The following PDE10A variants were observed in gnomAD, a reference collection of about 807,000 sequenced individuals.
PDE10A encodes the protein cAMP and cAMP-inhibited cGMP 3',5'-cyclic phosphodiesterase 10A.
In PDE10A, 39 loss-of-function variants were observed where a neutral mutation model predicts 97.7. The ratio of observed to expected loss-of-function variants is 0.40; its 90% CI spans 0.31 to 0.52. The LOEUF (loss-of-function observed/expected upper bound fraction) is 0.52, where lower values mean the gene tolerates loss of function less well. Ranked by LOEUF, PDE10A falls within the 20% of genes least tolerant of loss-of-function variation. The pLI is 0.56. For synonymous variants in PDE10A, 371 were observed against 376.8 expected (o/e 0.98, Z 0.18); for missense variants, 731 against 1,047.8 (o/e 0.70, Z 4.17).
At chr6:165,438,956 TAAA>T (rs10711465) in intron 5 of PDE10A, among the ~76,000 whole-genome samples, 12 of 132,760 alleles carry the variant, frequency 9.0e-5, no homozygotes, top group Middle Eastern at 3.5e-3. Flanking sequence ...AGACCCTGCT[TAAA>T]AAAAAAAAAA....
chr6:165,818,182 C>A (rs187952232), intron 1 of PDE10A, among the ~76,000 whole-genome samples: 1 of 152,154 alleles, frequency 6.6e-6, no homozygotes, highest in Admixed American at 6.5e-5. Context: ...CTCACTGTCA[C>A]ACGCACCCAT....
At chr6:165,937,188 G>C (rs891379057) in intron 1 of PDE10A, among the ~76,000 whole-genome samples, 4 of 152,116 alleles carry the variant, frequency 2.6e-5, no homozygotes, top group Admixed American at 6.6e-5. Context: ...ACTGGGCTTG[G>C]CCATCAAGCT....
chr6:165,652,876 G>A (rs570010711), intron 1 of PDE10A, among the ~76,000 whole-genome samples: 36 of 152,268 alleles, frequency 2.4e-4, no homozygotes, highest in Admixed American at 1.4e-3. Context: ...CACTGCCCCA[G>A]GAAATGAAGC....
intron 1 of PDE10A, among the ~76,000 whole-genome samples, chr6:165,669,641 A>G (rs942575010): frequency 2.6e-5 from 4 of 152,144 alleles, no homozygotes; most frequent in Non-Finnish European, 5.9e-5. Context: ...TTAGATTATT[A>G]TGACTTACTG....
intron 1 of PDE10A, among the ~76,000 whole-genome samples, chr6:165,982,043 A>C (rs1338945072): frequency 1.3e-5 from 2 of 152,216 alleles, no homozygotes. Context: ...TCCCAATGCT[A>C]ACTACCCATT....
intron 1 of PDE10A, among the ~76,000 whole-genome samples, chr6:165,726,252 G>C (rs1365867562): frequency 6.6e-6 from 1 of 152,090 alleles, no homozygotes; most frequent in Non-Finnish European, 1.5e-5. Flanking sequence ...GGAGGATCCA[G>C]CAGTTATCTA....
intron 1 of PDE10A, among the ~76,000 whole-genome samples, chr6:165,892,929 GC>G (rs1372868823): frequency 6.6e-6 from 1 of 152,170 alleles, no homozygotes; most frequent in African/African-American, 2.4e-5. Flanking sequence ...ACTCGCTCCA[GC>G]CTTTCTGACC....
chr6:165,466,316 AT>A (rs1778648799), intron 3 of PDE10A, among the ~76,000 whole-genome samples: 1 of 152,208 alleles, frequency 6.6e-6, no homozygotes, highest in Non-Finnish European at 1.5e-5. Context: ...TACAGCAAAC[AT>A]TTTTTAAGTT....
chr6:165,666,806 C>G (rs560801224), upstream of PDE10A, among the ~76,000 whole-genome samples: 1 of 152,302 alleles, frequency 6.6e-6, no homozygotes, highest in South Asian at 2.1e-4. Context: ...GGGTAAGTCT[C>G]TTGTTAAGAA....
intron 1 of PDE10A, among the ~76,000 whole-genome samples, chr6:165,575,656 C>T (rs1354184417): frequency 1.3e-5 from 2 of 152,192 alleles, no homozygotes; most frequent in Non-Finnish European, 2.9e-5. Flanking sequence ...CCTGGTAAAC[C>T]CATCACACCT....
At chr6:165,845,234 A>G (rs1385926975) in intron 1 of PDE10A, among the ~76,000 whole-genome samples, 1 of 151,966 alleles carries the variant, frequency 6.6e-6, no homozygotes, top group Admixed American at 6.6e-5. Context: ...CTTCCAGTGA[A>G]CTCCAGACAT....
chr6:165,359,764 A>G (rs915394883), intron 18 of PDE10A, among the ~76,000 whole-genome samples: 5 of 151,848 alleles, frequency 3.3e-5, no homozygotes, highest in Non-Finnish European at 5.9e-5. Flanking sequence ...AAATACTTCA[A>G]TTTTGGTGGG....
chr6:165,584,429 A>T (rs1785790784), intron 1 of PDE10A, among the ~76,000 whole-genome samples: 2 of 152,234 alleles, frequency 1.3e-5, no homozygotes, highest in South Asian at 4.1e-4. Context: ...CAGGCCCATA[A>T]AGACGCAGGA....
intron 1 of PDE10A, among the ~76,000 whole-genome samples, chr6:165,843,093 G>C (rs535349542): frequency 6.9e-4 from 105 of 152,346 alleles, no homozygotes; most frequent in Admixed American, 1.3e-3. Flanking sequence ...TGACAGCGTA[G>C]GGTCAGCCAG....
At chr6:165,977,652 T>C (rs1343083344) in intron 1 of PDE10A, among the ~76,000 whole-genome samples, 1 of 152,184 alleles carries the variant, frequency 6.6e-6, no homozygotes, top group Non-Finnish European at 1.5e-5. Context: ...TCAGACATAT[T>C]TATAGAAAAT....
rs113615403 is a variant in PDE10A, at chr6:165,699,743, C to T, written c.-614-156175G>A. On this transcript the variant is annotated intron_variant, in intron 1 of 19. Transcript: ENST00000366882. ...ACACATTCTTAAACAACCAATGGGT[C>T]AAAAATCAAAAAGAAAATCAGAAAA... Among the ~76,000 whole-genome samples, 828 of 152,054 alleles carry T rather than the reference C, an allele frequency of 5.4e-3. 6 individuals are homozygous for T. The highest frequency in any genetic ancestry group is 0.019 in the African/African-American group (785 of 41,488).
intron 1 of PDE10A, among the ~76,000 whole-genome samples, chr6:165,701,004 C>G (rs1416798895): frequency 6.6e-6 from 1 of 152,102 alleles, no homozygotes; most frequent in African/African-American, 2.4e-5. Flanking sequence ...ATCAGTGCTG[C>G]AATAAAAGGA....
chr6:165,891,705 T>C (rs1048969730), intron 1 of PDE10A, among the ~76,000 whole-genome samples: 3 of 130,074 alleles, frequency 2.3e-5, no homozygotes, highest in African/African-American at 8.6e-5. Context: ...GTTATTCTTG[T>C]TCCTCCCTAT....
intron 1 of PDE10A, among the ~76,000 whole-genome samples, chr6:165,604,619 A>C (rs1326478351): frequency 6.6e-6 from 1 of 152,244 alleles, no homozygotes; most frequent in Non-Finnish European, 1.5e-5. Flanking sequence ...AGATATAAAG[A>C]AATAACCGGA....
Sources: allele counts gnomAD v4.1 joint callset (sites outside exome capture counted in the v4.1 genomes callset), GRCh38; gene constraint gnomAD v4.1.1; transcripts MANE v1.5; gene names NCBI Gene and HGNC (gene_info 2026-07-23, HGNC 2026-07-21).